The following MGST1 variants were observed in gnomAD, a reference collection of about 807,000 sequenced individuals.
MGST1 encodes glutathione S-transferase 12.
Under a neutral mutation model 8.9 loss-of-function variants are expected in MGST1, and 5 were observed. The ratio of observed to expected loss-of-function variants is 0.56; its 90% CI spans 0.29 to 1.19. The LOEUF is 1.19. MGST1 is among the 50% of genes most tolerant of loss of function. The pLI, the probability that MGST1 is intolerant of heterozygous loss-of-function variation, is 0.08. For synonymous variants in MGST1, 54 were observed against 67.8 expected (o/e 0.80, Z 1.00); for missense variants, 182 against 187.4 (o/e 0.97, Z 0.17).
chr12:16,489,166 A>G (rs1941420658), intron 4 of MGST1, among the ~76,000 whole-genome samples: 1 of 152,166 alleles, frequency 6.6e-6, no homozygotes. Flanking sequence ...TTGAACAAAT[A>G]AATGAGTCAT....
Position 16,547,739 on chromosome 12 carries a change from A to G in MGST1, n.483-41789A>G, listed in dbSNP as rs1941843605. Among the ~76,000 whole-genome samples the G allele has an allele frequency of 6.6e-6, 1 of 152,192 alleles. No individual in the cohort carries two copies. Among genetic ancestry groups the G allele is most frequent in the East Asian group, 1.9e-4 (1 of 5,190 alleles). On this transcript the variant is annotated intron_variant and non_coding_transcript_variant, in intron 4 of 4. Coordinates refer to the MGST1 transcript ENST00000538857. This position sits in a 1 kb window ranked among gnomAD's most constrained non-coding sequence, Gnocchi z 4.6. ...ACAATGTTTTTAAGAAAAAGTAATG[A>G]TCAAAAAGGCTTTTGCTAAAATTGT... is the stretch of plus-strand genomic sequence containing the variant.
rs1295471057 is a variant in MGST1, at chr12:16,497,614, T to C, written n.483-91914T>C. ...TTTTTCTGATTGTTTTCTGAATTTA[T>C]AGAAAAGGGAGTTTTAACTAGGTCG... is the stretch of plus-strand genomic sequence containing the variant. On this transcript the variant is annotated intron_variant and non_coding_transcript_variant, in intron 4 of 4. Transcript: ENST00000538857. This position sits in a 1 kb window ranked among gnomAD's most constrained non-coding sequence, Gnocchi z 4.4. 6.6e-6 allele frequency among the ~76,000 whole-genome samples: 1 copy of C among 152,190 alleles called. No individual in the cohort carries two copies. Among genetic ancestry groups the C allele is most frequent in the Non-Finnish European group, 1.5e-5 (1 of 68,014 alleles).
At chr12:16,461,534 T>G (rs1186018309) in intron 4 of MGST1, among the ~76,000 whole-genome samples, 1 of 152,146 alleles carries the variant, frequency 6.6e-6, no homozygotes, top group Admixed American at 6.6e-5. Flanking sequence ...TATTTTGTCT[T>G]GGCACCAACA....
At chr12:16,406,856 A>G (rs1940701121) in intron 1 of MGST1, among the ~76,000 whole-genome samples, 1 of 152,258 alleles carries the variant, frequency 6.6e-6, no homozygotes, top group Non-Finnish European at 1.5e-5. Flanking sequence ...AGCTATATGC[A>G]GAAGATTGAA....
chr12:16,442,065 T>A, downstream of MGST1, among the ~76,000 whole-genome samples: 1 of 151,998 alleles, frequency 6.6e-6, no homozygotes, highest in Non-Finnish European at 1.5e-5. This position sits in a 1 kb window ranked among gnomAD's most constrained non-coding sequence, Gnocchi z 4.5. Flanking sequence ...AGATAACACA[T>A]AATATGGAGC....
At chr12:16,436,948 G>A (rs1014486404) in intron 1 of MGST1, among the ~76,000 whole-genome samples, 38 of 151,928 alleles carry the variant, frequency 2.5e-4, no homozygotes, top group African/African-American at 8.9e-4. Flanking sequence ...AACTGTAACT[G>A]GAGAAAATTG....
intron 1 of MGST1, chr12:16,400,324 T>C (rs1045363773): frequency 4.5e-5 from 36 of 800,816 alleles, no homozygotes; most frequent in East Asian, 1.7e-4. Flanking sequence ...CTTAATATTA[T>C]TGTACAAAAT....
intron 4 of MGST1, among the ~76,000 whole-genome samples, chr12:16,530,267 T>C (rs539273562): frequency 1.3e-4 from 20 of 152,284 alleles, no homozygotes; most frequent in Non-Finnish European, 1.8e-4. Context: ...ATACTATTGG[T>C]GTGTTCTAGT....
At chr12:16,417,771 G>T (rs1940799574) in intron 1 of MGST1, among the ~76,000 whole-genome samples, 1 of 152,138 alleles carries the variant, frequency 6.6e-6, no homozygotes, top group Non-Finnish European at 1.5e-5. Flanking sequence ...AGAATCTGAG[G>T]TAATGGGCCC....
chr12:16,409,728 G>A (rs66839172), intron 1 of MGST1, among the ~76,000 whole-genome samples: 12,042 of 152,006 alleles, frequency 0.079, 581 homozygotes, highest in East Asian at 0.22. Context: ...TTTTGCCAGC[G>A]CTTTTTGCCC....
At chr12:16,421,156 C>T (rs1591722978) in intron 1 of MGST1, among the ~76,000 whole-genome samples, 1 of 152,098 alleles carries the variant, frequency 6.6e-6, no homozygotes, top group African/African-American at 2.4e-5. Flanking sequence ...TTACTATACC[C>T]GTGGCTGCTG....
intron 1 of MGST1, chr12:16,402,534 G>T: frequency 2.3e-6 from 2 of 870,542 alleles, no homozygotes; most frequent in Non-Finnish European, 3.6e-6. Flanking sequence ...TTTATAATAA[G>T]CTACTAACAC....
At chr12:16,530,916 C>T (rs911666580) in intron 4 of MGST1, among the ~76,000 whole-genome samples, 3 of 151,876 alleles carry the variant, frequency 2.0e-5, no homozygotes, top group Non-Finnish European at 4.4e-5. Flanking sequence ...TAATAAATTT[C>T]GTGTGCTAGC....
In MGST1 at chr12:16,361,352, C is replaced by T. The variant is rs1467067252; in HGVS notation, c.222-2443C>T. Reference sequence around the variant, plus strand: ...TCTGATCTGAGGGAAGGAGGCGTGGCTGTGGCCTCAAGAGCACAGAGATGG... The same window carrying T: ...TCTGATCTGAGGGAAGGAGGCGTGGTTGTGGCCTCAAGAGCACAGAGATGG... On this transcript the variant is annotated intron_variant, in intron 3 of 3. Coordinates refer to ENST00000396210, the MANE Select transcript of MGST1 (RefSeq NM_020300.5). The surrounding 1 kb of genome is among the most constrained non-coding windows in gnomAD (Gnocchi z 4.2). 6.6e-6 allele frequency among the ~76,000 whole-genome samples: 1 copy of T among 152,186 alleles called. No homozygotes were observed. Among genetic ancestry groups the T allele is most frequent in the Non-Finnish European group, 1.5e-5 (1 of 68,026 alleles).
chr12:16,445,475 G>A (rs543440395), intron 4 of MGST1, among the ~76,000 whole-genome samples: 73 of 152,044 alleles, frequency 4.8e-4, no homozygotes, highest in African/African-American at 1.7e-3. Context: ...TGTCATTAAT[G>A]CAACTGATCA....
chr12:16,397,731 T>C (rs1020274091), intron 1 of MGST1, among the ~76,000 whole-genome samples: 2 of 150,624 alleles, frequency 1.3e-5, no homozygotes, highest in Admixed American at 6.6e-5. Flanking sequence ...TGTCTTTATA[T>C]ATATTTGGGC....
intron 4 of MGST1, among the ~76,000 whole-genome samples, chr12:16,465,456 A>G (rs928706554): frequency 2.0e-5 from 3 of 152,184 alleles, no homozygotes; most frequent in African/African-American, 7.2e-5. Flanking sequence ...ATCGCATAGC[A>G]GGAGGTGAGC....
intron 4 of MGST1, among the ~76,000 whole-genome samples, chr12:16,531,361 A>G (rs1045312741): frequency 2.6e-5 from 4 of 152,040 alleles, no homozygotes; most frequent in Admixed American, 2.6e-4. Context: ...GCTTTCTTTC[A>G]TCTTTTTGTT....
At chr12:16,551,823 C>T (rs1942001295) in intron 4 of MGST1, among the ~76,000 whole-genome samples, 1 of 151,898 alleles carries the variant, frequency 6.6e-6, no homozygotes, top group Admixed American at 6.6e-5. Flanking sequence ...CTTTCTTTTA[C>T]TCTGTTATTA....
Sources: gnomAD v4.1 joint callset for allele counts (sites outside exome capture counted in the v4.1 genomes callset) on GRCh38, gnomAD v4.1.1 for gene constraint, Gnocchi (gnomAD v3.1) non-coding constraint, MANE v1.5 for transcripts, NCBI Gene and HGNC (gene_info 2026-07-23, HGNC 2026-07-21) for gene names.